The following PCDH11Y variants were observed in gnomAD, a reference collection of about 807,000 sequenced individuals.
PCDH11Y encodes protocadherin-11 Y-linked.
For synonymous variants in PCDH11Y, 9 were observed against 83.6 expected (o/e 0.11, Z 4.87); for missense variants, 12 against 224.8 (o/e 0.05, Z 6.05).
intron 1 of PCDH11Y, among the ~76,000 whole-genome samples, chrY:5,007,172 T>G: frequency 3.2e-5 from 1 of 31,551 alleles, no homozygotes; most frequent in Admixed American, 3.0e-4. Context: ...CCCTTTTAAT[T>G]GTCTCTAATG....
At chrY:5,689,507 T>A in intron 4 of PCDH11Y, among the ~76,000 whole-genome samples, 8 of 33,769 alleles carry the variant, frequency 2.4e-4, no homozygotes, top group Admixed American at 2.2e-3. Flanking sequence ...ACTATATTAA[T>A]CCATATTTTA....
At chrY:5,150,919 C>T (rs2052863699) in intron 2 of PCDH11Y, among the ~76,000 whole-genome samples, 1 of 33,631 alleles carries the variant, frequency 3.0e-5, no homozygotes, top group African/African-American at 1.1e-4. Flanking sequence ...AGGAACAGAG[C>T]ATTTAGATGA....
intron 2 of PCDH11Y, among the ~76,000 whole-genome samples, chrY:5,336,202 T>C: frequency 5.1e-4 from 17 of 33,164 alleles, no homozygotes; most frequent in Non-Finnish European, 8.9e-4. Flanking sequence ...GTTTCCCAAG[T>C]CACATAGTTA....
At chrY:5,406,975 C>G (rs2053239371) in intron 2 of PCDH11Y, among the ~76,000 whole-genome samples, 1 of 32,976 alleles carries the variant, frequency 3.0e-5, no homozygotes, top group African/African-American at 1.2e-4. Context: ...CTGCACACCT[C>G]CCTGCCAGCA....
chrY:5,376,384 C>T, intron 2 of PCDH11Y, among the ~76,000 whole-genome samples: 1 of 32,376 alleles, frequency 3.1e-5, no homozygotes, highest in East Asian at 8.0e-4. Context: ...AGGATGGTCT[C>T]GATCTCCTGA....
chrY:5,143,612 C>CA (rs2052853366), intron 2 of PCDH11Y, among the ~76,000 whole-genome samples: 2 of 33,530 alleles, frequency 6.0e-5, no homozygotes, highest in African/African-American at 1.2e-4. Context: ...TACACATTGA[C>CA]AAAAACACAT....
At chrY:5,497,030 T>C (rs2053345592) in intron 2 of PCDH11Y, among the ~76,000 whole-genome samples, 1 of 33,763 alleles carries the variant, frequency 3.0e-5, no homozygotes, top group Admixed American at 2.7e-4. Context: ...TACATTTTCT[T>C]AATCCAGTCT....
At chrY:5,307,801 G>A (rs2124664034) in intron 2 of PCDH11Y, among the ~76,000 whole-genome samples, 1 of 33,461 alleles carries the variant, frequency 3.0e-5, no homozygotes, top group East Asian at 7.8e-4. Context: ...TTTATGTAAG[G>A]CACACAATAC....
intron 3 of PCDH11Y, among the ~76,000 whole-genome samples, chrY:5,513,024 A>C: frequency 6.4e-5 from 2 of 31,377 alleles, no homozygotes; most frequent in Admixed American, 5.9e-4. Flanking sequence ...TCTTATTTTT[A>C]TTTATTTATT....
chrY:5,290,591 C>A, intron 2 of PCDH11Y, among the ~76,000 whole-genome samples: 1 of 32,801 alleles, frequency 3.0e-5, no homozygotes, highest in Non-Finnish European at 7.5e-5. Flanking sequence ...AGATTTAAGT[C>A]TTTTCATTGA....
intron 2 of PCDH11Y, among the ~76,000 whole-genome samples, chrY:5,344,673 A>AT (rs781019371): frequency 8.4e-3 from 245 of 29,031 alleles, no homozygotes; most frequent in African/African-American, 0.025. Context: ...CTTTTCTTTT[A>AT]TTTTTTTTTT....
chrY:5,506,888 T>G (rs2053359330), intron 3 of PCDH11Y, among the ~76,000 whole-genome samples: 35 of 32,753 alleles, frequency 1.1e-3, no homozygotes, highest in Admixed American at 6.6e-3. Context: ...TACTGAAAAT[T>G]TAAAAATTTC....
At chrY:5,105,234 T>C (rs2052788703), downstream of PCDH11Y, 1 of 213,316 alleles carries the variant, frequency 4.7e-6, no homozygotes, top group Non-Finnish European at 5.6e-6. Context: ...AGAGCAAGAC[T>C]CTGTCTCAAA....
At chrY:5,356,671 G>A (rs2053166194) in intron 2 of PCDH11Y, among the ~76,000 whole-genome samples, 4 of 28,661 alleles carry the variant, frequency 1.4e-4, no homozygotes, top group Admixed American at 3.3e-4. Context: ...GAGGTCAGGC[G>A]TTGGAGACCA....
At chrY:5,578,230 C>G in intron 3 of PCDH11Y, among the ~76,000 whole-genome samples, 1 of 33,870 alleles carries the variant, frequency 3.0e-5, no homozygotes, top group Non-Finnish European at 7.4e-5. Context: ...AGGAGATTCA[C>G]TGGGGTGATT....
chrY:5,268,189 T>A, intron 2 of PCDH11Y, among the ~76,000 whole-genome samples: 1 of 31,074 alleles, frequency 3.2e-5, no homozygotes, highest in Non-Finnish European at 8.1e-5. Flanking sequence ...TCCAGAAATA[T>A]AATGTCTTGG....
At chrY:5,317,360 G>A (rs1380293245) in intron 2 of PCDH11Y, among the ~76,000 whole-genome samples, 102 of 32,900 alleles carry the variant, frequency 3.1e-3, no homozygotes, top group Non-Finnish European at 6.1e-3. Context: ...GTGATTTCAG[G>A]GTTCCAAGAT....
intron 3 of PCDH11Y, among the ~76,000 whole-genome samples, chrY:5,580,620 T>A (rs2124697361): frequency 3.1e-5 from 1 of 32,460 alleles, no homozygotes; most frequent in East Asian, 8.1e-4. Flanking sequence ...TTAAAAAAAA[T>A]TTTATACTTC....
chrY:5,384,383 A>G, intron 2 of PCDH11Y, among the ~76,000 whole-genome samples: 1 of 29,516 alleles, frequency 3.4e-5, no homozygotes. Flanking sequence ...TAAACTCATT[A>G]TATTATCATT....
Sources: allele counts gnomAD v4.1 joint callset (sites outside exome capture counted in the v4.1 genomes callset), GRCh38; gene constraint gnomAD v4.1.1; transcripts MANE v1.5; gene names NCBI Gene and HGNC (gene_info 2026-07-23, HGNC 2026-07-21).